Variants in KCTD16 observed in about 807,000 individuals in gnomAD.
The protein encoded by KCTD16 is potassium channel tetramerization domain containing 16.
Under a neutral mutation model 33.2 loss-of-function variants are expected in KCTD16, and 13 were observed. The observed-to-expected ratio is 0.39, with a 90% CI of 0.25 to 0.62. The LOEUF (loss-of-function observed/expected upper bound fraction) is 0.62. Among genes scored for constraint, KCTD16 ranks in the 20% least tolerant of loss-of-function variants. The pLI is 0.50. For synonymous variants in KCTD16, 197 were observed against 195.3 expected, an observed-to-expected ratio of 1.01 and a Z score of -0.07; for missense variants, 441 against 525.1, an observed-to-expected ratio of 0.84 and a Z score of 1.57.
At chr5:144,435,346 A>G (rs1217233107) in intron 3 of KCTD16, among the ~76,000 whole-genome samples, 2 of 152,184 alleles carry the variant, frequency 1.3e-5, no homozygotes, top group African/African-American at 4.8e-5. Flanking sequence ...GTCTTTCCAG[A>G]TCACTGTATC....
intron 3 of KCTD16, among the ~76,000 whole-genome samples, chr5:144,419,076 G>A (rs904307263): frequency 1.3e-5 from 2 of 152,084 alleles, no homozygotes; most frequent in Non-Finnish European, 2.9e-5. Context: ...CTAAAATACA[G>A]TCAGATCAAA....
chr5:144,323,385 G>A (rs1752124972), intron 3 of KCTD16, among the ~76,000 whole-genome samples: 1 of 152,128 alleles, frequency 6.6e-6, no homozygotes, highest in African/African-American at 2.4e-5. Flanking sequence ...AGGGACACAT[G>A]CCCATGAGAG....
chr5:144,274,043 A>T (rs1755377457), intron 3 of KCTD16, among the ~76,000 whole-genome samples: 1 of 150,766 alleles, frequency 6.6e-6, no homozygotes, highest in Admixed American at 6.6e-5. Context: ...AAAATATAAT[A>T]AAAAATAGAA....
At chr5:144,226,006 G>A (rs993968624) in intron 3 of KCTD16, among the ~76,000 whole-genome samples, 1 of 152,136 alleles carries the variant, frequency 6.6e-6, no homozygotes, top group Non-Finnish European at 1.5e-5. Context: ...TCTGAATCTT[G>A]ATGAAAATCC....
chr5:144,269,617 T>C (rs1285418468), intron 3 of KCTD16, among the ~76,000 whole-genome samples: 1 of 152,004 alleles, frequency 6.6e-6, no homozygotes, highest in Non-Finnish European at 1.5e-5. Flanking sequence ...AAAGTGAAGT[T>C]AAAGGACAGC....
intron 3 of KCTD16, among the ~76,000 whole-genome samples, chr5:144,217,130 CCAAA>C (rs1317780843): frequency 6.6e-6 from 1 of 152,146 alleles, no homozygotes; most frequent in Non-Finnish European, 1.5e-5. Flanking sequence ...TGAAGCTACC[CCAAA>C]CAGAGAATGA....
intron 3 of KCTD16, among the ~76,000 whole-genome samples, chr5:144,337,360 C>A (rs1406411149): frequency 1.3e-5 from 2 of 151,980 alleles, no homozygotes; most frequent in Non-Finnish European, 2.9e-5. Flanking sequence ...GGGGTGTGAA[C>A]GTGCCAATTT....
intron 2 of KCTD16, among the ~76,000 whole-genome samples, chr5:144,203,887 T>C (rs1488681079): frequency 6.6e-6 from 1 of 152,228 alleles, no homozygotes; most frequent in African/African-American, 2.4e-5. Context: ...TTTGGCCCTA[T>C]TAAGTTGCCA....
At chr5:144,210,809 TA>T (rs1342940274) in intron 3 of KCTD16, among the ~76,000 whole-genome samples, 1 of 152,176 alleles carries the variant, frequency 6.6e-6, no homozygotes, top group Admixed American at 6.5e-5. Flanking sequence ...CACATTTCCA[TA>T]AGCCTACTCA....
At chr5:144,358,090 A>ATTTT (rs539287370) in intron 3 of KCTD16, among the ~76,000 whole-genome samples, 403 of 114,412 alleles carry the variant, frequency 3.5e-3, no homozygotes, top group Non-Finnish European at 4.2e-3. Context: ...CACCCGGCTA[A>ATTTT]TTTTTTTTTT....
At chr5:144,244,858 T>C (rs759668245) in intron 3 of KCTD16, among the ~76,000 whole-genome samples, 13 of 152,144 alleles carry the variant, frequency 8.5e-5, no homozygotes, top group Non-Finnish European at 1.3e-4. Context: ...TAGGATGGTT[T>C]TGAGAATCAA....
At chr5:144,280,646 T>C (rs1342360516) in intron 3 of KCTD16, among the ~76,000 whole-genome samples, 1 of 152,144 alleles carries the variant, frequency 6.6e-6, no homozygotes, top group East Asian at 1.9e-4. Flanking sequence ...GTTTTCCGGC[T>C]GGGCGCAGTG....
intron 3 of KCTD16, among the ~76,000 whole-genome samples, chr5:144,342,698 C>T (rs1421778825): frequency 9.2e-5 from 14 of 152,040 alleles, no homozygotes; most frequent in South Asian, 6.2e-4. Context: ...CCATTCAGTA[C>T]GATATTGGCT....
chr5:144,424,751 T>A (rs1385400072), intron 3 of KCTD16, among the ~76,000 whole-genome samples: 2 of 152,106 alleles, frequency 1.3e-5, no homozygotes, highest in Non-Finnish European at 2.9e-5. Context: ...AAAGTTATCC[T>A]TTTATCAAAA....
intron 3 of KCTD16, among the ~76,000 whole-genome samples, chr5:144,259,735 CT>C (rs1338376063): frequency 6.6e-6 from 1 of 152,180 alleles, no homozygotes; most frequent in Admixed American, 6.5e-5. Context: ...GAATTTCTTT[CT>C]TTCAAGTAAA....
At chr5:144,429,036 G>A (rs1753397534) in intron 3 of KCTD16, among the ~76,000 whole-genome samples, 1 of 152,082 alleles carries the variant, frequency 6.6e-6, no homozygotes, top group Admixed American at 6.6e-5. Context: ...GAACATATCT[G>A]TAGCAGGTGG....
intron 3 of KCTD16, among the ~76,000 whole-genome samples, chr5:144,408,732 C>A (rs570237265): frequency 6.6e-6 from 1 of 152,160 alleles, no homozygotes; most frequent in African/African-American, 2.4e-5. Context: ...AGATATCGCT[C>A]CTGCCTGTGA....
intron 3 of KCTD16, among the ~76,000 whole-genome samples, chr5:144,332,676 A>G (rs572658919): frequency 6.6e-5 from 10 of 152,220 alleles, no homozygotes; most frequent in Non-Finnish European, 1.5e-4. Context: ...TAGAGAACCA[A>G]TATGCCCATA....
intron 3 of KCTD16, among the ~76,000 whole-genome samples, chr5:144,258,893 T>A (rs1405433498): frequency 6.6e-6 from 1 of 152,144 alleles, no homozygotes; most frequent in African/African-American, 2.4e-5. Context: ...AGTGGACTCA[T>A]GTGTGTCTGT....
Sources: allele counts gnomAD v4.1 joint callset (sites outside exome capture counted in the v4.1 genomes callset), GRCh38; gene constraint gnomAD v4.1.1; transcripts MANE v1.5; gene names NCBI Gene and HGNC (gene_info 2026-07-23, HGNC 2026-07-21).